KCNIP4: variants seen among roughly 807,000 people sequenced by gnomAD.
KCNIP4 encodes the protein Kv channel-interacting protein 4.
A neutral mutation model predicts 34.0 loss-of-function variants in KCNIP4; 12 were observed. The observed-to-expected ratio is 0.35, with a 90% confidence interval of 0.23 to 0.57. The LOEUF is 0.57. Among genes scored for constraint, KCNIP4 ranks in the 20% least tolerant of loss-of-function variants. The pLI, the probability that KCNIP4 is intolerant of heterozygous loss-of-function variation, is 0.83. For synonymous variants in KCNIP4, 124 were observed against 102.2 expected (o/e 1.21, Z -1.29); for missense variants, 238 against 311.7 (o/e 0.76, Z 1.78).
chr4:21,048,885 G>A (rs1192524978), intron 1 of KCNIP4, among the ~76,000 whole-genome samples: 1 of 144,474 alleles, frequency 6.9e-6, no homozygotes, highest in Non-Finnish European at 1.5e-5. Flanking sequence ...ATGCTGCATG[G>A]AGAGAGAGAG....
At chr4:20,798,674 A>G (rs1304385613) in intron 3 of KCNIP4, among the ~76,000 whole-genome samples, 1 of 152,172 alleles carries the variant, frequency 6.6e-6, no homozygotes, top group Non-Finnish European at 1.5e-5. Context: ...GGGAAGGGAA[A>G]AAGATACCTC....
At chr4:21,330,877 G>T (rs530337658) in intron 1 of KCNIP4, among the ~76,000 whole-genome samples, 36 of 152,144 alleles carry the variant, frequency 2.4e-4, no homozygotes, top group Non-Finnish European at 4.1e-4. Flanking sequence ...CTTGTGCTTT[G>T]CCCATCACTT....
At chr4:20,864,029 C>A (rs1324135013) in intron 2 of KCNIP4, among the ~76,000 whole-genome samples, 1 of 122,074 alleles carries the variant, frequency 8.2e-6, no homozygotes, top group African/African-American at 3.5e-5. Flanking sequence ...TGTATACATA[C>A]ATATGTATGT....
chr4:21,434,809 C>T (rs987870931), intron 1 of KCNIP4, among the ~76,000 whole-genome samples: 9 of 150,354 alleles, frequency 6.0e-5, no homozygotes, highest in African/African-American at 9.8e-5. Context: ...AACCAGTCCC[C>T]GGTGGCGAAA....
At chr4:21,399,129 G>A (rs1723253344) in intron 1 of KCNIP4, among the ~76,000 whole-genome samples, 1 of 152,198 alleles carries the variant, frequency 6.6e-6, no homozygotes, top group Admixed American at 6.5e-5. Context: ...AGATTGTAGG[G>A]AACTACTGTC....
intron 1 of KCNIP4, among the ~76,000 whole-genome samples, chr4:21,760,764 A>T (rs757877252): frequency 1.6e-4 from 25 of 152,154 alleles, no homozygotes; most frequent in Non-Finnish European, 3.5e-4. Flanking sequence ...TTTGCAAAGC[A>T]AACAAATTGC....
chr4:20,778,967 G>A (rs754992664), intron 3 of KCNIP4, among the ~76,000 whole-genome samples: 1 of 152,090 alleles, frequency 6.6e-6, no homozygotes, highest in African/African-American at 2.4e-5. Context: ...CAATATGTAA[G>A]GAGGCAGCTA....
chr4:21,591,335 G>A (rs1742202745), intron 1 of KCNIP4, among the ~76,000 whole-genome samples: 2 of 151,772 alleles, frequency 1.3e-5, no homozygotes, highest in Admixed American at 6.6e-5. Context: ...GAAATATTTT[G>A]AAATAGACCA....
chr4:21,873,615 A>G (rs1682728787), intron 1 of KCNIP4, among the ~76,000 whole-genome samples: 2 of 152,216 alleles, frequency 1.3e-5, no homozygotes, highest in South Asian at 4.1e-4. Context: ...TATTGGACAA[A>G]ATCATGAGAC....
At chr4:21,806,326 A>G (rs948932437) in intron 1 of KCNIP4, among the ~76,000 whole-genome samples, 3 of 152,164 alleles carry the variant, frequency 2.0e-5, no homozygotes, top group Non-Finnish European at 2.9e-5. Flanking sequence ...AAGAAGATCT[A>G]TGTCTTTCCA....
chr4:21,587,398 A>G (rs1397842959), intron 1 of KCNIP4, among the ~76,000 whole-genome samples: 7 of 152,004 alleles, frequency 4.6e-5, no homozygotes, highest in East Asian at 1.9e-4. Flanking sequence ...AACATAACCC[A>G]TCACTCTTTC....
chr4:21,747,369 T>C (rs10028323), intron 1 of KCNIP4, among the ~76,000 whole-genome samples: 93,277 of 151,912 alleles, frequency 0.61, 29,941 homozygotes, highest in African/African-American at 0.73. Context: ...GTCAGAGGCA[T>C]GCGTTCTGTA....
At chr4:21,789,228 A>G (rs1720115496) in intron 1 of KCNIP4, among the ~76,000 whole-genome samples, 1 of 152,194 alleles carries the variant, frequency 6.6e-6, no homozygotes, top group African/African-American at 2.4e-5. Context: ...CACCTCCCAC[A>G]GAGGATTTTA....
At chr4:21,618,634 T>TTCTTTC (rs1560567531) in intron 1 of KCNIP4, among the ~76,000 whole-genome samples, 1 of 136,562 alleles carries the variant, frequency 7.3e-6, no homozygotes, top group South Asian at 2.5e-4. Flanking sequence ...CTTTTTCTTT[T>TTCTTTC]TTTTTTTTTT....
At chr4:20,810,013 A>G (rs1715529398) in intron 3 of KCNIP4, among the ~76,000 whole-genome samples, 1 of 152,222 alleles carries the variant, frequency 6.6e-6, no homozygotes, top group Non-Finnish European at 1.5e-5. Flanking sequence ...GTTTTTGCAC[A>G]TGAAACCTGT....
chr4:21,573,863 T>C (rs1740537320), intron 1 of KCNIP4, among the ~76,000 whole-genome samples: 1 of 152,208 alleles, frequency 6.6e-6, no homozygotes, highest in Admixed American at 6.5e-5. Flanking sequence ...ATTGTTCCTG[T>C]TGGCTTATGT....
intron 1 of KCNIP4, among the ~76,000 whole-genome samples, chr4:21,476,451 A>C (rs535123676): frequency 6.6e-5 from 10 of 152,318 alleles, no homozygotes; most frequent in African/African-American, 2.4e-4. Flanking sequence ...CCTCATAAGA[A>C]GAGGAAGATG....
At chr4:21,000,280 C>G (rs1163428669) in intron 1 of KCNIP4, among the ~76,000 whole-genome samples, 1 of 152,106 alleles carries the variant, frequency 6.6e-6, no homozygotes, top group Non-Finnish European at 1.5e-5. Context: ...TCAGCCGCTG[C>G]CCTTGTCTCC....
rs539976336 is a variant in KCNIP4 at position 21,800,352 on chromosome 4, G to A, written c.61+148219C>T. 3.9e-5 allele frequency among the ~76,000 whole-genome samples: 6 copies of A among 152,136 alleles called. No individual in the cohort carries two copies. The South Asian group carries it at 1.2e-3, about 32-fold the overall frequency. ...TGCTATAATTCATTGTTTTACATTTGCTTTCTTATTAGATTTGGTTTGTTT... is the reference window on the plus strand; with the variant it reads ...TGCTATAATTCATTGTTTTACATTTACTTTCTTATTAGATTTGGTTTGTTT... On this transcript the variant is annotated intron_variant, in intron 1 of 8. Coordinates refer to ENST00000382152, the MANE Select transcript of KCNIP4 (RefSeq NM_025221.6).
Sources: allele counts gnomAD v4.1 joint callset (sites outside exome capture counted in the v4.1 genomes callset), GRCh38; gene constraint gnomAD v4.1.1; transcripts MANE v1.5; gene names NCBI Gene and HGNC (gene_info 2026-07-23, HGNC 2026-07-21).